Variants in SCN10A observed in about 807,000 individuals in gnomAD.
SCN10A encodes the protein sodium channel protein type 10 subunit alpha.
SCN10A carries 162 observed loss-of-function variants against 170.7 expected under a neutral mutation model. The ratio of observed to expected loss-of-function variants is 0.95; its 90% CI spans 0.84 to 1.08. The LOEUF is 1.08. SCN10A is among the 50% of genes least tolerant of loss of function. SCN10A has a pLI of 0.00. For missense variants in SCN10A, 2,527 were observed against 2,436.9 expected, an observed-to-expected ratio of 1.04 and a Z score of -0.78; for synonymous variants, 985 against 904.6, an observed-to-expected ratio of 1.09 and a Z score of -1.59.
intron 1 of SCN10A, among the ~76,000 whole-genome samples, chr3:38,798,584 T>C (rs2126063696): frequency 6.6e-6 from 1 of 152,316 alleles, no homozygotes; most frequent in East Asian, 1.9e-4. Flanking sequence ...CTTGGATTAA[T>C]GGCTGAGGAG....
chr3:38,699,813 A>ACAATTAGATACT (rs1361002016), intron 27 of SCN10A, among the ~76,000 whole-genome samples: 1 of 152,198 alleles, frequency 6.6e-6, no homozygotes, highest in East Asian at 1.9e-4. Context: ...CGTACTTGTA[A>ACAATTAGATACT]CAATTAGATA....
chr3:38,805,809 G>T (rs185849413), intron 1 of SCN10A, among the ~76,000 whole-genome samples: 1 of 152,146 alleles, frequency 6.6e-6, no homozygotes, highest in African/African-American at 2.4e-5. Flanking sequence ...ATAATCCTGA[G>T]TTGCCTCTGA....
intron 20 of SCN10A, 92 bp downstream of exon 20, chr3:38,722,166 C>A: frequency 7.8e-7 from 1 of 1,279,878 alleles, no homozygotes; most frequent in South Asian, 1.4e-5. Flanking sequence ...GCTCAGTAGT[C>A]AGGAGAACCC....
chr3:38,777,504 A>T (rs2064089698), intron 4 of SCN10A, among the ~76,000 whole-genome samples: 1 of 152,090 alleles, frequency 6.6e-6, no homozygotes, highest in African/African-American at 2.4e-5. Context: ...TCGTATTGTA[A>T]ATGTGGCGAT....
At chr3:38,729,281 T>G (rs1250595280) in intron 15 of SCN10A, among the ~76,000 whole-genome samples, 1 of 152,078 alleles carries the variant, frequency 6.6e-6, no homozygotes, top group Non-Finnish European at 1.5e-5. Flanking sequence ...CAAGCTTATT[T>G]ATGACTGAAG....
At chr3:38,771,534 A>T in intron 4 of SCN10A, 127 bp from the exon 5 acceptor site, 10 of 907,080 alleles carry the variant, frequency 1.1e-5, no homozygotes, top group Non-Finnish European at 1.7e-5. Flanking sequence ...GAATATCACC[A>T]AGGTGATGAG....
At chr3:38,747,839 T>C (rs2063707237) in intron 13 of SCN10A, among the ~76,000 whole-genome samples, 1 of 152,252 alleles carries the variant, frequency 6.6e-6, no homozygotes, top group Non-Finnish European at 1.5e-5. Context: ...TTAATTCAAA[T>C]TTCTGTTCTT....
intron 7 of SCN10A, 30 bp downstream of exon 7, chr3:38,761,162 C>G (rs763303269): frequency 6.7e-7 from 1 of 1,501,818 alleles, no homozygotes; most frequent in Non-Finnish European, 9.2e-7. Context: ...CCAACCAGAC[C>G]TTGGTCCCTA....
chr3:38,806,230 T>G (rs917721447), intron 1 of SCN10A, among the ~76,000 whole-genome samples: 1 of 152,142 alleles, frequency 6.6e-6, no homozygotes, highest in Non-Finnish European at 1.5e-5. Context: ...TTAAAACAGC[T>G]CTGCCCACCA....
At chr3:38,707,501 A>C (rs2125986375) in intron 25 of SCN10A, 118 bp from the exon 26 acceptor site, 1 of 990,936 alleles carries the variant, frequency 1.0e-6, no homozygotes, top group East Asian at 2.4e-5. Flanking sequence ...CAGATAGACA[A>C]ACCAAGCCCA....
intron 18 of SCN10A, among the ~76,000 whole-genome samples, chr3:38,724,707 T>C (rs1039536104): frequency 6.6e-6 from 1 of 152,238 alleles, no homozygotes; most frequent in African/African-American, 2.4e-5. Flanking sequence ...TATTTGACTT[T>C]CTTTGTGCGT....
chr3:38,719,967 G>A (rs1160251573), intron 20 of SCN10A, among the ~76,000 whole-genome samples: 1 of 152,218 alleles, frequency 6.6e-6, no homozygotes, highest in African/African-American at 2.4e-5. Context: ...GTCCACCTTG[G>A]GAAATGCTTA....
At chr3:38,708,893 C>T (rs1575932988) in intron 25 of SCN10A, among the ~76,000 whole-genome samples, 1 of 152,188 alleles carries the variant, frequency 6.6e-6, no homozygotes, top group Non-Finnish European at 1.5e-5. Flanking sequence ...TAGAACAGCG[C>T]CTATCTACCT....
chr3:38,722,027 C>G (rs1009250472), intron 20 of SCN10A, among the ~76,000 whole-genome samples: 6 of 152,218 alleles, frequency 3.9e-5, no homozygotes, highest in African/African-American at 1.2e-4. Flanking sequence ...CTCACTCACT[C>G]AAATGCTTGC....
chr3:38,764,737 G>A (rs2063912583), intron 5 of SCN10A, among the ~76,000 whole-genome samples: 1 of 152,122 alleles, frequency 6.6e-6, no homozygotes, highest in African/African-American at 2.4e-5. Flanking sequence ...ACCCAGTAGT[G>A]GGATTGCTGG....
intron 6 of SCN10A, among the ~76,000 whole-genome samples, chr3:38,762,356 T>G (rs1311674489): frequency 6.6e-6 from 1 of 152,014 alleles, no homozygotes; most frequent in Non-Finnish European, 1.5e-5. Context: ...TTAACTGAAG[T>G]TCCAGAGGTG....
intron 8 of SCN10A, among the ~76,000 whole-genome samples, chr3:38,758,891 T>A (rs139347661): frequency 7.7e-4 from 117 of 152,316 alleles, no homozygotes; most frequent in African/African-American, 2.7e-3. Context: ...CTGGAGCCAT[T>A]GCCTTGAGAA....
At chr3:38,718,876 C>A in intron 20 of SCN10A, 50 bp from the exon 21 acceptor site, 3 of 1,581,332 alleles carry the variant, frequency 1.9e-6, no homozygotes. Flanking sequence ...ACCCACAGCA[C>A]TGGGGCCCAG....
At chr3:38,703,027 C>T (rs1372620683) in intron 26 of SCN10A, among the ~76,000 whole-genome samples, 1 of 152,170 alleles carries the variant, frequency 6.6e-6, no homozygotes, top group Non-Finnish European at 1.5e-5. Flanking sequence ...ATATCTCCCC[C>T]TATTCAAAGG....
Sources: allele counts gnomAD v4.1 joint callset (sites outside exome capture counted in the v4.1 genomes callset), GRCh38; gene constraint gnomAD v4.1.1; transcripts MANE v1.5; gene names NCBI Gene and HGNC (gene_info 2026-07-23, HGNC 2026-07-21).